TBC1D32: variants seen among roughly 807,000 people sequenced by gnomAD.
The protein encoded by TBC1D32 is TBC1 domain family member 32.
A neutral mutation model predicts 170.3 loss-of-function variants in TBC1D32; 151 were observed. The ratio of observed to expected loss-of-function variants is 0.89; its 90% confidence interval spans 0.78 to 1.01. The LOEUF (loss-of-function observed/expected upper bound fraction) is 1.01, where lower values mean the gene tolerates loss of function less well. TBC1D32 is among the 50% of genes least tolerant of loss of function. TBC1D32 has a pLI of 0.00. For missense variants in TBC1D32, 1,464 were observed against 1,457.1 expected (o/e 1.00, Z -0.08); for synonymous variants, 498 against 488.0 (o/e 1.02, Z -0.27).
chr6:121,092,970 C>T (rs1776993757), intron 30 of TBC1D32, among the ~76,000 whole-genome samples: 1 of 152,088 alleles, frequency 6.6e-6, no homozygotes. Context: ...TTAAATAAGG[C>T]TATTAATTCT....
At chr6:121,085,346 CATACATATAT>C (rs1438416366) in intron 31 of TBC1D32, among the ~76,000 whole-genome samples, 308 of 121,482 alleles carry the variant, frequency 2.5e-3, no homozygotes, top group African/African-American at 0.012. Flanking sequence ...CATATATATA[CATACATATAT>C]ATACATATAT....
At chr6:121,201,372 G>A (rs1212033651) in intron 22 of TBC1D32, among the ~76,000 whole-genome samples, 1 of 151,362 alleles carries the variant, frequency 6.6e-6, no homozygotes, top group African/African-American at 2.5e-5. Context: ...GACTCATGAC[G>A]GTGGGTTAGG....
At chr6:121,308,706 T>TTTTTTTTTTTTTTTTTTTA in intron 4 of TBC1D32, among the ~76,000 whole-genome samples, 1 of 121,470 alleles carries the variant, frequency 8.2e-6, no homozygotes, top group African/African-American at 2.7e-5. Flanking sequence ...TTTTTTTTTT[T>TTTTTTTTTTTTTTTTTTTA]GAGACGGAGT....
chr6:121,118,311 C>A (rs1206216886), intron 26 of TBC1D32, among the ~76,000 whole-genome samples: 7 of 152,126 alleles, frequency 4.6e-5, no homozygotes, highest in Non-Finnish European at 7.4e-5. Context: ...TGATGCTGTA[C>A]ATGCTAATGA....
intron 11 of TBC1D32, among the ~76,000 whole-genome samples, chr6:121,292,920 C>T (rs577120412): frequency 9.2e-5 from 14 of 152,014 alleles, no homozygotes; most frequent in African/African-American, 1.7e-4. Flanking sequence ...TGTTACGGAA[C>T]GCTGAAGAAA....
intron 12 of TBC1D32, among the ~76,000 whole-genome samples, chr6:121,285,069 G>A (rs1803585501): frequency 6.6e-6 from 1 of 152,118 alleles, no homozygotes; most frequent in South Asian, 2.1e-4. Context: ...TAAATATACT[G>A]TGTAACGGGG....
At chr6:121,311,812 G>A (rs1808255423) in intron 3 of TBC1D32, among the ~76,000 whole-genome samples, 1 of 152,040 alleles carries the variant, frequency 6.6e-6, no homozygotes, top group Non-Finnish European at 1.5e-5. Flanking sequence ...TGGTGGGAGT[G>A]TAAATTAGTT....
At chr6:121,259,136 A>C (rs903421968) in intron 15 of TBC1D32, among the ~76,000 whole-genome samples, 1 of 152,026 alleles carries the variant, frequency 6.6e-6, no homozygotes, top group Admixed American at 6.6e-5. Context: ...CATCTCTACT[A>C]AAAATACAAA....
chr6:121,220,018 C>T (rs1284856010), intron 21 of TBC1D32, among the ~76,000 whole-genome samples: 1 of 152,150 alleles, frequency 6.6e-6, no homozygotes, highest in African/African-American at 2.4e-5. Flanking sequence ...GGTCATCCAC[C>T]TATCTTTCTC....
At chr6:121,113,299 G>GC (rs1562522440) in intron 27 of TBC1D32, 122 bp from the exon 28 acceptor site, 15 of 557,086 alleles carry the variant, frequency 2.7e-5, no homozygotes, top group Admixed American at 6.6e-5. Context: ...CTCAATACAT[G>GC]TTTCTGATGA....
chr6:121,283,781 T>A (rs1334588950), intron 13 of TBC1D32, 37 bp downstream of exon 13: 1 of 1,451,474 alleles, frequency 6.9e-7, no homozygotes, highest in African/African-American at 1.4e-5. Flanking sequence ...TTTTTAGATG[T>A]TTTATATTTC....
At position 121,216,424 on chromosome 6, in the gene TBC1D32, AG is replaced by A. The variant is rs1793833668; in HGVS notation, c.2481+6811del. Reference sequence around the variant, plus strand: ...GTCTATCGTATTAGCTCTGCTCTCTAGGGATCCCTGACTAATACAGATTTTG... The same window carrying A: ...GTCTATCGTATTAGCTCTGCTCTCTAGGATCCCTGACTAATACAGATTTTG... On this transcript the variant is annotated intron_variant, in intron 21 of 31. Transcript: ENST00000398212. Among the ~76,000 whole-genome samples the A allele has an allele frequency of 2.6e-5, 4 of 152,076 alleles. No homozygotes were observed. In the South Asian group the frequency reaches 8.3e-4, roughly 32 times the overall value.
At chr6:121,155,847 G>T (rs1283478393) in intron 24 of TBC1D32, among the ~76,000 whole-genome samples, 1 of 152,046 alleles carries the variant, frequency 6.6e-6, no homozygotes, top group Non-Finnish European at 1.5e-5. Flanking sequence ...TGCATCTCAG[G>T]AATAAACTCT....
intron 22 of TBC1D32, among the ~76,000 whole-genome samples, chr6:121,189,602 G>GC (rs999949619): frequency 2.6e-5 from 4 of 151,990 alleles, no homozygotes; most frequent in African/African-American, 9.6e-5. Flanking sequence ...TGATTCTAGA[G>GC]CCCCAAGTAG....
intron 20 of TBC1D32, among the ~76,000 whole-genome samples, chr6:121,230,885 A>G (rs1187388852): frequency 6.6e-6 from 1 of 152,054 alleles, no homozygotes; most frequent in Non-Finnish European, 1.5e-5. Flanking sequence ...TGGTGCACCC[A>G]TCACCTGAGT....
At chr6:121,261,155 A>G (rs1799714362) in intron 15 of TBC1D32, among the ~76,000 whole-genome samples, 1 of 152,114 alleles carries the variant, frequency 6.6e-6, no homozygotes, top group Non-Finnish European at 1.5e-5. Flanking sequence ...GAGCCCCTAG[A>G]AGAAGGGGTG....
chr6:121,174,334 AT>A (rs1294148324), intron 22 of TBC1D32, among the ~76,000 whole-genome samples: 16 of 152,210 alleles, frequency 1.1e-4, no homozygotes, highest in African/African-American at 3.9e-4. Context: ...CTTTAAAGAT[AT>A]TAGTCAAGAA....
chr6:121,146,378 T>C (rs1783451373), intron 24 of TBC1D32, among the ~76,000 whole-genome samples: 1 of 152,166 alleles, frequency 6.6e-6, no homozygotes, highest in African/African-American at 2.4e-5. Context: ...ACACTGGCAG[T>C]TCCTTCATGA....
intron 21 of TBC1D32, 27 bp from the exon 22 acceptor site, chr6:121,205,190 G>T (rs1056836798): frequency 1.9e-6 from 2 of 1,068,808 alleles, no homozygotes; most frequent in Non-Finnish European, 2.7e-6. Flanking sequence ...AAATGAGACT[G>T]TATTTAACTG....
Sources: gnomAD v4.1 joint callset for allele counts (sites outside exome capture counted in the v4.1 genomes callset) on GRCh38, gnomAD v4.1.1 for gene constraint, MANE v1.5 for transcripts, NCBI Gene and HGNC (gene_info 2026-07-23, HGNC 2026-07-21) for gene names.